PCDH9: variants seen among roughly 807,000 people sequenced by gnomAD.
PCDH9 encodes protocadherin-9.
Under a neutral mutation model 70.6 loss-of-function variants are expected in PCDH9, and 24 were observed. The ratio of observed to expected loss-of-function variants is 0.34; its 90% confidence interval spans 0.25 to 0.48. The LOEUF (loss-of-function observed/expected upper bound fraction) is 0.48, where lower values mean the gene tolerates loss of function less well. Ranked by LOEUF, PCDH9 falls within the 20% of genes least tolerant of loss-of-function variation. PCDH9 has a pLI of 0.99. For synonymous variants in PCDH9, 562 were observed against 558.5 expected, an observed-to-expected ratio of 1.01 and a Z score of -0.09; for missense variants, 1,281 against 1,503.6, an observed-to-expected ratio of 0.85 and a Z score of 2.45.
intron 4 of PCDH9, among the ~76,000 whole-genome samples, chr13:66,373,117 T>C (rs2138221741): frequency 6.6e-6 from 1 of 152,092 alleles, no homozygotes; most frequent in African/African-American, 2.4e-5. Context: ...AAACTCTTAA[T>C]AAATATGGTA....
At chr13:66,460,717 G>A (rs77271784) in intron 4 of PCDH9, among the ~76,000 whole-genome samples, 5 of 151,856 alleles carry the variant, frequency 3.3e-5, no homozygotes, top group South Asian at 4.1e-4. Flanking sequence ...TGAGTCAGTG[G>A]AGAGACAAGT....
chr13:66,695,220 A>G (rs2078545333), intron 3 of PCDH9, among the ~76,000 whole-genome samples: 1 of 152,212 alleles, frequency 6.6e-6, no homozygotes, highest in African/African-American at 2.4e-5. Flanking sequence ...GTTTTAAATA[A>G]CGAATGTATA....
intron 3 of PCDH9, among the ~76,000 whole-genome samples, chr13:66,808,153 C>G (rs2080440751): frequency 6.6e-6 from 1 of 152,100 alleles, no homozygotes; most frequent in African/African-American, 2.4e-5. Context: ...ATATGTAGAG[C>G]AATCATAGTC....
At chr13:66,795,834 T>A (rs2080231781) in intron 3 of PCDH9, among the ~76,000 whole-genome samples, 1 of 152,184 alleles carries the variant, frequency 6.6e-6, no homozygotes, top group South Asian at 2.1e-4. Context: ...CATCTCTTTG[T>A]TACTACAAAC....
At chr13:66,713,652 T>TATATATATATATATATATAA (rs1356252438) in intron 3 of PCDH9, among the ~76,000 whole-genome samples, 1 of 139,510 alleles carries the variant, frequency 7.2e-6, no homozygotes, top group African/African-American at 2.6e-5. Flanking sequence ...TATATATATA[T>TATATATATATATATATATAA]AATGTACACA....
chr13:66,873,748 G>A (rs2081741359), intron 3 of PCDH9, among the ~76,000 whole-genome samples: 1 of 151,958 alleles, frequency 6.6e-6, no homozygotes, highest in South Asian at 2.1e-4. Context: ...CACAGGAAAT[G>A]GGGTCCAGAT....
chr13:66,658,542 ATGAGT>A (rs996933724), intron 3 of PCDH9, among the ~76,000 whole-genome samples: 10 of 152,122 alleles, frequency 6.6e-5, no homozygotes, highest in Admixed American at 3.3e-4. Context: ...CAGCATTAAC[ATGAGT>A]TATCTTCAGA....
intron 3 of PCDH9, among the ~76,000 whole-genome samples, chr13:66,902,487 T>G (rs2082292049): frequency 6.6e-6 from 1 of 151,586 alleles, no homozygotes; most frequent in South Asian, 2.1e-4. Context: ...TATTACAATT[T>G]TTTTTTTACT....
intron 3 of PCDH9, among the ~76,000 whole-genome samples, chr13:66,791,316 G>A (rs900335005): frequency 6.6e-6 from 1 of 152,014 alleles, no homozygotes; most frequent in Non-Finnish European, 1.5e-5. Context: ...ATTATAACTT[G>A]AGCAGTGTTT....
chr13:66,391,883 C>CATATATATATATATATATAT (rs140840857), intron 4 of PCDH9, among the ~76,000 whole-genome samples: 35 of 143,244 alleles, frequency 2.4e-4, no homozygotes, highest in African/African-American at 8.9e-4. Context: ...GCCATATATG[C>CATATATATATATATATATAT]ATATATATAT....
At chr13:66,420,530 C>T (rs892671502) in intron 4 of PCDH9, among the ~76,000 whole-genome samples, 3 of 152,176 alleles carry the variant, frequency 2.0e-5, no homozygotes, top group African/African-American at 7.2e-5. Flanking sequence ...GCTGGTGATA[C>T]CCAGGCAAAC....
intron 2 of PCDH9, among the ~76,000 whole-genome samples, chr13:67,128,844 A>G (rs1268792629): frequency 6.6e-6 from 1 of 152,112 alleles, no homozygotes; most frequent in Non-Finnish European, 1.5e-5. Flanking sequence ...ATCCTATTCA[A>G]AGAATTTTCA....
chr13:66,701,450 C>A (rs1376700581), intron 3 of PCDH9, among the ~76,000 whole-genome samples: 1 of 152,044 alleles, frequency 6.6e-6, no homozygotes, highest in East Asian at 1.9e-4. Context: ...TTCATATACA[C>A]ATATATGTGT....
intron 4 of PCDH9, among the ~76,000 whole-genome samples, chr13:66,525,136 T>C (rs374909496): frequency 2.9e-4 from 44 of 152,154 alleles, no homozygotes; most frequent in African/African-American, 1.0e-3. Flanking sequence ...AGTTCTCCCT[T>C]GTCGCTCTCA....
In PCDH9 at chr13:66,737,555, G is replaced by A. The variant is rs914967223; in HGVS notation, c.3139-106144C>T. Among the ~76,000 whole-genome samples, 9 of 152,286 alleles carry A rather than the reference G, an allele frequency of 5.9e-5. No homozygotes were observed. The South Asian group carries it at 1.2e-3, about 21-fold the overall frequency. ...TCCCAGCGTGAGCGACGCAGAAGAC[G>A]GGTGATTTCTGCATTTCCATCTGAG... On this transcript the variant is annotated intron_variant, in intron 3 of 4. Coordinates refer to ENST00000377865, the MANE Select transcript of PCDH9 (RefSeq NM_203487.3).
intron 3 of PCDH9, among the ~76,000 whole-genome samples, chr13:66,744,418 T>A (rs12856970): frequency 0.28 from 42,994 of 152,072 alleles, 6,590 homozygotes; most frequent in East Asian, 0.44. Context: ...GTGAATTTTT[T>A]AAAAATTTAT....
intron 4 of PCDH9, among the ~76,000 whole-genome samples, chr13:66,320,695 A>G (rs1166342976): frequency 6.6e-6 from 1 of 151,946 alleles, no homozygotes; most frequent in Non-Finnish European, 1.5e-5. Context: ...GAGAATCTGT[A>G]TCTATATGTA....
chr13:66,817,841 T>C (rs192817078), intron 3 of PCDH9, among the ~76,000 whole-genome samples: 111 of 152,294 alleles, frequency 7.3e-4, no homozygotes, highest in Admixed American at 2.3e-3. Context: ...TTGCCCAGGC[T>C]GGCCTTGAAC....
chr13:66,734,982 G>A (rs181422425), intron 3 of PCDH9, among the ~76,000 whole-genome samples: 4 of 152,204 alleles, frequency 2.6e-5, no homozygotes, highest in Middle Eastern at 3.4e-3. Flanking sequence ...CATATCTTAC[G>A]ACTAGAACAG....
Sources: allele counts gnomAD v4.1 joint callset (sites outside exome capture counted in the v4.1 genomes callset), GRCh38; gene constraint gnomAD v4.1.1; transcripts MANE v1.5; gene names NCBI Gene and HGNC (gene_info 2026-07-23, HGNC 2026-07-21).